Variants in RANBP17 observed in about 807,000 individuals in gnomAD.
RANBP17 encodes the protein ran-binding protein 17.
In RANBP17, 158 loss-of-function variants were observed where a neutral mutation model predicts 141.2. The observed-to-expected ratio is 1.12, with a 90% CI of 0.98 to 1.28. RANBP17 has a LOEUF of 1.28. RANBP17 is among the 50% of genes most tolerant of loss of function. The pLI, the probability that RANBP17 is intolerant of heterozygous loss-of-function variation, is 0.00. For missense variants in RANBP17, 1,438 were observed against 1,290.7 expected, an observed-to-expected ratio of 1.11 and a Z score of -1.75; for synonymous variants, 430 against 450.0, an observed-to-expected ratio of 0.96 and a Z score of 0.56.
chr5:170,994,018 G>T (rs938922252), intron 14 of RANBP17, among the ~76,000 whole-genome samples: 2 of 152,030 alleles, frequency 1.3e-5, no homozygotes, highest in Non-Finnish European at 2.9e-5. Flanking sequence ...ATCCTTAGCA[G>T]CTATCAAAAT....
chr5:171,164,960 G>A (rs1759579306), intron 14 of RANBP17, among the ~76,000 whole-genome samples: 1 of 152,158 alleles, frequency 6.6e-6, no homozygotes, highest in Non-Finnish European at 1.5e-5. Context: ...TCTTTATGCT[G>A]TGTGAAAATC....
intron 18 of RANBP17, among the ~76,000 whole-genome samples, chr5:171,197,153 T>C (rs1762023226): frequency 6.6e-6 from 1 of 152,214 alleles, no homozygotes; most frequent in African/African-American, 2.4e-5. Flanking sequence ...ATTTCAATTA[T>C]TTATTGTATT....
At chr5:171,113,287 G>T (rs1053180556) in intron 14 of RANBP17, among the ~76,000 whole-genome samples, 1 of 152,058 alleles carries the variant, frequency 6.6e-6, no homozygotes, top group Non-Finnish European at 1.5e-5. Context: ...ATTATTACCC[G>T]TGCTACTACA....
chr5:171,156,870 C>T (rs556427603), intron 14 of RANBP17, among the ~76,000 whole-genome samples: 2 of 152,110 alleles, frequency 1.3e-5, no homozygotes, highest in East Asian at 1.9e-4. Flanking sequence ...TTCTGTTTAT[C>T]GAAAACAGTC....
chr5:170,944,377 C>A (rs1257993529), intron 12 of RANBP17, among the ~76,000 whole-genome samples: 5 of 152,224 alleles, frequency 3.3e-5, no homozygotes, highest in African/African-American at 1.2e-4. Flanking sequence ...AGCTATTCTC[C>A]CACCTCAGCC....
chr5:171,172,382 T>C (rs1382330594), intron 16 of RANBP17, among the ~76,000 whole-genome samples: 1 of 151,854 alleles, frequency 6.6e-6, no homozygotes, highest in East Asian at 1.9e-4. Context: ...TTTATTATTT[T>C]AATATATTTC....
At chr5:170,902,784 C>G (rs1441798047) in intron 5 of RANBP17, among the ~76,000 whole-genome samples, 3 of 152,316 alleles carry the variant, frequency 2.0e-5, no homozygotes, top group South Asian at 4.1e-4. Context: ...GGCCCCTCTG[C>G]TGCAGGTCTG....
intron 22 of RANBP17, among the ~76,000 whole-genome samples, chr5:171,228,920 A>G (rs1365629483): frequency 6.6e-6 from 1 of 152,164 alleles, no homozygotes; most frequent in Non-Finnish European, 1.5e-5. Context: ...TTTTATATGC[A>G]CTGAGAAACC....
rs560142737 is a variant in RANBP17, at chr5:171,082,461, G to C, written c.1711-87669G>C. Reference sequence around the variant, plus strand: ...AGAGGATGATCCTTAGGCAATCTCAGTGTGGCAGAAGCTATAATCAATGTA... The same window carrying C: ...AGAGGATGATCCTTAGGCAATCTCACTGTGGCAGAAGCTATAATCAATGTA... On this transcript the variant is annotated intron_variant, in intron 14 of 27. Transcript: ENST00000523189. Among the ~76,000 whole-genome samples, 3 of 152,154 alleles carry C rather than the reference G, an allele frequency of 2.0e-5. No individual in the cohort carries two copies. In the South Asian group the frequency reaches 6.2e-4, roughly 31 times the overall value.
intron 25 of RANBP17, among the ~76,000 whole-genome samples, chr5:171,283,604 C>T (rs1430887734): frequency 6.6e-6 from 1 of 152,166 alleles, no homozygotes; most frequent in South Asian, 2.1e-4. Context: ...TGAAGGGTCC[C>T]ATGAATTGTC....
At chr5:170,950,703 G>A (rs931020047) in intron 12 of RANBP17, among the ~76,000 whole-genome samples, 19 of 152,100 alleles carry the variant, frequency 1.2e-4, no homozygotes, top group South Asian at 4.2e-4. Flanking sequence ...TAGAACTACC[G>A]TATTGTCCAG....
chr5:170,964,287 C>T (rs1032151295), intron 13 of RANBP17, among the ~76,000 whole-genome samples: 7 of 152,024 alleles, frequency 4.6e-5, no homozygotes, highest in Admixed American at 1.3e-4. Flanking sequence ...TTAATTGCAG[C>T]ATTTTGTAAC....
chr5:171,294,027 G>A (rs1768670257), intron 26 of RANBP17, 46 bp downstream of exon 26: 15 of 1,373,560 alleles, frequency 1.1e-5, no homozygotes, highest in Non-Finnish European at 1.6e-5. Context: ...CCTGGGAGAA[G>A]AGAGCAGCTA....
At chr5:170,992,614 A>G (rs1465719733) in intron 14 of RANBP17, among the ~76,000 whole-genome samples, 1 of 152,118 alleles carries the variant, frequency 6.6e-6, no homozygotes, top group Non-Finnish European at 1.5e-5. Flanking sequence ...AAATCAGCAT[A>G]CTACCTTTCA....
chr5:171,180,888 T>C (rs2127913377), intron 16 of RANBP17, among the ~76,000 whole-genome samples: 1 of 152,348 alleles, frequency 6.6e-6, no homozygotes, highest in East Asian at 1.9e-4. Context: ...AAATATTCTA[T>C]TGTCAAAACA....
intron 14 of RANBP17, among the ~76,000 whole-genome samples, chr5:171,106,962 T>G (rs1446233250): frequency 1.3e-5 from 2 of 152,186 alleles, no homozygotes; most frequent in Non-Finnish European, 2.9e-5. Flanking sequence ...TACTCATACT[T>G]GGGCCCCATC....
chr5:170,953,997 T>C (rs970915498), intron 13 of RANBP17, among the ~76,000 whole-genome samples: 4 of 152,148 alleles, frequency 2.6e-5, no homozygotes, highest in Admixed American at 2.6e-4. Context: ...TGGTGTGTAT[T>C]GGAAAGGTGG....
chr5:170,979,393 C>T (rs1442064901), intron 14 of RANBP17, among the ~76,000 whole-genome samples: 1 of 152,126 alleles, frequency 6.6e-6, no homozygotes, highest in African/African-American at 2.4e-5. Context: ...CCTCCTGTCC[C>T]CTTGCAACTG....
At chr5:170,950,124 A>G (rs1840976) in intron 12 of RANBP17, among the ~76,000 whole-genome samples, 340 of 152,288 alleles carry the variant, frequency 2.2e-3, no homozygotes, top group African/African-American at 7.5e-3. Flanking sequence ...AAGACCTGAA[A>G]CTATAAAACT....
Sources: allele counts gnomAD v4.1 joint callset (sites outside exome capture counted in the v4.1 genomes callset), GRCh38; gene constraint gnomAD v4.1.1; transcripts MANE v1.5; gene names NCBI Gene and HGNC (gene_info 2026-07-23, HGNC 2026-07-21).